NIM1K: variants seen among roughly 807,000 people sequenced by gnomAD.
The protein encoded by NIM1K is serine/threonine-protein kinase NIM1.
Under a neutral mutation model 37.1 loss-of-function variants are expected in NIM1K, and 35 were observed. The observed-to-expected ratio is 0.94, with a 90% CI of 0.72 to 1.25. The LOEUF (loss-of-function observed/expected upper bound fraction) is 1.25, where lower values mean the gene tolerates loss of function less well. Among genes scored for constraint, NIM1K ranks in the 50% most tolerant of loss-of-function variants. The pLI, the probability that NIM1K is intolerant of heterozygous loss-of-function variation, is 0.00. For synonymous variants in NIM1K, 234 were observed against 206.6 expected (o/e 1.13, Z -1.14); for missense variants, 564 against 548.0 (o/e 1.03, Z -0.29).
At position 43,196,366 on chromosome 5, in the gene NIM1K, C is replaced by T. The variant is rs951524525; in HGVS notation, c.-695+3955C>T. Among the ~76,000 whole-genome samples, 11 of 152,176 alleles carry T rather than the reference C, an allele frequency of 7.2e-5. No individual in the cohort carries two copies. In the East Asian group the frequency reaches 1.2e-3, roughly 16 times the overall value. ...ATAACTGGCTGGGCGCGGTGGCTTA[C>T]GCCTGTAATCCCAGCACTTTGGGAG... On this transcript the variant is annotated intron_variant, in intron 1 of 3. Transcript: ENST00000326035.
chr5:43,277,473 G>A (rs943308995), intron 3 of NIM1K, 148 bp downstream of exon 3: 1 of 814,682 alleles, frequency 1.2e-6, no homozygotes, highest in Non-Finnish European at 1.9e-6. Context: ...AAGTCTGGCT[G>A]GGATCATGCT....
chr5:43,277,815 T>TGTGTGTGAGA (rs532526440), intron 3 of NIM1K, among the ~76,000 whole-genome samples: 51 of 128,974 alleles, frequency 4.0e-4, no homozygotes, highest in African/African-American at 1.4e-3. Context: ...TGTGTGTGTG[T>TGTGTGTGAGA]GAGAGAGAGA....
intron 1 of NIM1K, chr5:43,194,752 C>G (rs1321000225): frequency 6.6e-6 from 1 of 152,162 alleles, no homozygotes; most frequent in Non-Finnish European, 1.5e-5. Context: ...CTCAGACTTA[C>G]AGTTTTGTTT....
At chr5:43,263,806 T>C (rs952022349) in intron 2 of NIM1K, among the ~76,000 whole-genome samples, 3 of 152,234 alleles carry the variant, frequency 2.0e-5, no homozygotes, top group Non-Finnish European at 4.4e-5. Flanking sequence ...ATCCCAGAGA[T>C]TCTGGTACGT....
In NIM1K at chr5:43,280,699, A is replaced by G. The variant is rs1753430209; in HGVS notation, c.1281A>G (p.Arg427=). 1.2e-6 allele frequency: 2 copies of G among 1,601,246 alleles called. No individual in the cohort carries two copies. Among genetic ancestry groups the G allele is most frequent in the African/African-American group, 2.7e-5 (2 of 73,798 alleles). ...GGTCCCGTGTCTACAGAGGGATAAG[A>G]CACACATCCAAATTTTGCTCGATTT... ...KKGSRVYRGI[R]HTSKFCSIL The change falls in exon 4 of 4, where the codon AGA becomes AGG. Residue 427 remains arginine (R), a synonymous_variant. Transcript: ENST00000326035.
At chr5:43,233,328 C>G (rs202031804) in intron 1 of NIM1K, among the ~76,000 whole-genome samples, 11 of 132,538 alleles carry the variant, frequency 8.3e-5, no homozygotes, top group African/African-American at 3.0e-4. Flanking sequence ...AAAAAAAAAA[C>G]TTAACCTTCC....
At position 43,229,982 on chromosome 5, in the gene NIM1K, A is replaced by G. The variant is rs181164247; in HGVS notation, c.-694-15100A>G. On this transcript the variant is annotated intron_variant, in intron 1 of 3. Transcript: ENST00000326035. ...TTTAAGAGCGAAGACTTCCTTTGAAATATCTCTACCTTTACCTATAGATAA... is the reference window on the plus strand; with the variant it reads ...TTTAAGAGCGAAGACTTCCTTTGAAGTATCTCTACCTTTACCTATAGATAA... 3.3e-3 allele frequency among the ~76,000 whole-genome samples: 507 copies of G among 152,166 alleles called. 3 individuals carry two copies. Among genetic ancestry groups the G allele is most frequent in the Admixed American group, 6.2e-3 (95 of 15,286 alleles).
chr5:43,217,403 G>T (rs772386586), intron 1 of NIM1K, among the ~76,000 whole-genome samples: 7 of 147,332 alleles, frequency 4.8e-5, no homozygotes, highest in African/African-American at 1.5e-4. Flanking sequence ...CCACTTTTTG[G>T]CTACTATAAA....
intron 1 of NIM1K, among the ~76,000 whole-genome samples, chr5:43,243,350 T>C (rs1231478165): frequency 6.6e-6 from 1 of 152,216 alleles, no homozygotes; most frequent in East Asian, 1.9e-4. Context: ...CTGCCAGGAA[T>C]CTGGGGAGAT....
intron 1 of NIM1K, among the ~76,000 whole-genome samples, chr5:43,216,644 G>A (rs1187789341): frequency 2.0e-5 from 3 of 152,208 alleles, no homozygotes; most frequent in African/African-American, 7.2e-5. Flanking sequence ...GAGGAGAGAA[G>A]CACTGAGGTG....
Position 43,245,697 on chromosome 5 carries a change from A to G in NIM1K, c.-79A>G. On this transcript the variant is annotated 5_prime_UTR_variant, in exon 2 of 4. Transcript: ENST00000326035. ...TGGGCACCTGCTGTCCTCAGTTGGCATCTCCCACCCTCTGAGCCTCTTCTG... is the reference window on the plus strand; with the variant it reads ...TGGGCACCTGCTGTCCTCAGTTGGCGTCTCCCACCCTCTGAGCCTCTTCTG... 1 of 1,386,852 alleles carries G rather than the reference A, an allele frequency of 7.2e-7. No homozygotes were observed. The highest frequency in any genetic ancestry group is 9.8e-7 in the Non-Finnish European group (1 of 1,022,678). The allele number at this position is 1,386,852 out of a possible 1,614,324, so 85.9% of individuals were successfully genotyped here. A position where few individuals can be genotyped will look rare whatever the true frequency, so the allele number is the denominator to read the frequency against.
chr5:43,270,695 T>C (rs1474783364), intron 2 of NIM1K, among the ~76,000 whole-genome samples: 3 of 152,218 alleles, frequency 2.0e-5, no homozygotes, highest in Non-Finnish European at 2.9e-5. Context: ...CAAGCCATTA[T>C]GTCCAACAGC....
intron 2 of NIM1K, among the ~76,000 whole-genome samples, chr5:43,267,791 T>C (rs2112294571): frequency 6.6e-6 from 1 of 152,360 alleles, no homozygotes; most frequent in South Asian, 2.1e-4. Flanking sequence ...TTTCTAGTTT[T>C]TTCCTACTGT....
chr5:43,231,585 T>A (rs1320242292), intron 1 of NIM1K, among the ~76,000 whole-genome samples: 1 of 152,218 alleles, frequency 6.6e-6, no homozygotes, highest in Non-Finnish European at 1.5e-5. Context: ...TTACTACATA[T>A]TTGTTCACTT....
chr5:43,276,272 G>T (rs989067366), intron 2 of NIM1K, among the ~76,000 whole-genome samples: 6 of 152,240 alleles, frequency 3.9e-5, no homozygotes, highest in Non-Finnish European at 2.9e-5. Flanking sequence ...GGTGGCATCT[G>T]CTTCTGTAGA....
At chr5:43,258,672 G>A (rs1000519156) in intron 2 of NIM1K, among the ~76,000 whole-genome samples, 2 of 151,988 alleles carry the variant, frequency 1.3e-5, no homozygotes, top group Non-Finnish European at 2.9e-5. Context: ...CAAACTCCAG[G>A]GCTCGAGTAA....
chr5:43,245,862 T>C lies in NIM1K; in HGVS notation c.87T>C (p.Cys29=). 1 of 1,613,948 alleles carries C rather than the reference T, an allele frequency of 6.2e-7. No individual in the cohort carries two copies. Among genetic ancestry groups the C allele is most frequent in the Non-Finnish European group, 8.5e-7 (1 of 1,179,966 alleles). Residue 29 remains cysteine, a synonymous_variant, in exon 2 of 4, where the codon TGT becomes TGC. Transcript: ENST00000326035. ...WDRRDSVESG[C]QTESSKEGEE... ...GGCGCGACAGTGTAGAAAGTGGCTGTCAGACCGAGAGTAGCAAGGAGGGTG... is the reference window on the plus strand; with the variant it reads ...GGCGCGACAGTGTAGAAAGTGGCTGCCAGACCGAGAGTAGCAAGGAGGGTG...
chr5:43,280,608 A>G lies in NIM1K; in HGVS notation c.1190A>G (p.Lys397Arg), dbSNP rs898888211. Residue 397 changes from lysine to arginine, a missense_variant, in exon 4 of 4, where the codon AAG (lysine) becomes AGG (arginine). By Grantham distance (26) the Lys-to-Arg change is conservative (BLOSUM62 2). Transcript: ENST00000326035. Reference sequence around the variant, plus strand: ...ATTATTTTACATAGAGTCCAAAGGAAGAAGGCTTTGGAAAGTGTCCCAGTC... The same window carrying G: ...ATTATTTTACATAGAGTCCAAAGGAGGAAGGCTTTGGAAAGTGTCCCAGTC... Reference protein sequence around the residue: ...YRIILHRVQRKKALESVPVMM... With the variant: ...YRIILHRVQRRKALESVPVMM... 6.2e-7 allele frequency: 1 copy of G among 1,614,154 alleles called. No individual in the cohort carries two copies. The highest frequency in any genetic ancestry group is 8.5e-7 in the Non-Finnish European group (1 of 1,180,000).
At chr5:43,262,851 A>T (rs181150426) in intron 2 of NIM1K, among the ~76,000 whole-genome samples, 1,968 of 152,264 alleles carry the variant, frequency 0.013, 23 homozygotes, top group Non-Finnish European at 0.017. Flanking sequence ...CCTTTTCTGC[A>T]TCTATTGAGA....
Sources: gnomAD v4.1 joint callset for allele counts (sites outside exome capture counted in the v4.1 genomes callset) on GRCh38, gnomAD v4.1.1 for gene constraint, MANE v1.5 for transcripts, NCBI Gene and HGNC (gene_info 2026-07-23, HGNC 2026-07-21) for gene names.